The following NBL1 variants were observed in gnomAD, a reference collection of about 807,000 sequenced individuals.
The protein encoded by NBL1 is neuroblastoma suppressor of tumorigenicity 1.
Under a neutral mutation model 16.0 loss-of-function variants are expected in NBL1, and 9 were observed. That is an observed-to-expected ratio of 0.56 (90% CI 0.34 to 0.98). NBL1 has a LOEUF of 0.98. Among genes scored for constraint, NBL1 ranks in the 50% least tolerant of loss-of-function variants. NBL1 has a pLI of 0.02. For missense variants in NBL1, 196 were observed against 243.1 expected (o/e 0.81, Z 1.29); for synonymous variants, 86 against 100.7 (o/e 0.85, Z 0.87).
In NBL1 at chr1:19,657,048, C is replaced by T. The variant is rs575414973; in HGVS notation, c.465C>T (p.His155=). The T allele has an allele frequency of 5.9e-5, 92 of 1,548,880 alleles. No individual in the cohort carries two copies. The African/African-American group carries it at 1.1e-3, about 19-fold the overall frequency. ...QPGTHPHPHP[H]PHPGGQTPEP... ...GCACCCACCCTCACCCCCATCCCCA[C>T]CCCCATCCTGGCGGGCAGACCCCTG... is the stretch of plus-strand genomic sequence containing the variant. The change falls in exon 4 of 4, where the codon CAC becomes CAT. Residue 155 remains histidine (H), a synonymous_variant. Coordinates refer to ENST00000375136, the MANE Select transcript of NBL1 (RefSeq NM_005380.8).
Position 19,656,936 on chromosome 1 carries a change from G to A in NBL1, c.353G>A (p.Cys118Tyr), listed in dbSNP as rs1272002423. The change falls in exon 4 of 4, where the codon TGT becomes TAT. Residue 118 changes from cysteine (C) to tyrosine (Y), a missense_variant. Physicochemically the swap from Cys to Tyr is radical, Grantham distance 194. Transcript: ENST00000375136. The stretch of plus-strand genomic sequence containing the variant: ...AAGCTGGTGGAGAAGATCCTGCACT[G>A]TAGCTGCCAGGCCTGCGGCAAGGAG... ...VDKLVEKILH[C>Y]SCQACGKEPS... is the part of the protein sequence containing the mutation. 6.2e-7 allele frequency: 1 copy of A among 1,613,008 alleles called. No individual in the cohort carries two copies. Among genetic ancestry groups the A allele is most frequent in the Non-Finnish European group, 8.5e-7 (1 of 1,179,730 alleles).
upstream of NBL1, chr1:19,643,422 C>T (rs1295365016): frequency 3.1e-6 from 5 of 1,612,780 alleles, no homozygotes; most frequent in Non-Finnish European, 1.7e-6. The surrounding 1 kb of genome is among the most constrained non-coding windows in gnomAD (Gnocchi z 4.7). Context: ...AAGCAAAATC[C>T]CCAAGTCCTA....
upstream of NBL1, chr1:19,643,284 C>T (rs754978370): frequency 1.2e-6 from 2 of 1,609,136 alleles, no homozygotes; most frequent in South Asian, 1.1e-5. This position sits in a 1 kb window ranked among gnomAD's most constrained non-coding sequence, Gnocchi z 4.7. Flanking sequence ...CCAGGGAGTT[C>T]CCAGCAGGCC....
At chr1:19,647,882 T>TGTGTGTGTGTGCGC (rs1273943458) in intron 1 of NBL1, among the ~76,000 whole-genome samples, 8 of 137,082 alleles carry the variant, frequency 5.8e-5, no homozygotes, top group East Asian at 2.3e-4. Flanking sequence ...TGTGTGTGTG[T>TGTGTGTGTGTGCGC]GCGTGTGCGC....
Position 19,644,432 on chromosome 1 carries a change from C to T in NBL1, c.-34C>T, listed in dbSNP as rs2094965261. The T allele has an allele frequency of 2.0e-6, 2 of 978,816 alleles. No individual in the cohort carries two copies. The highest frequency in any genetic ancestry group is 2.4e-6 in the Non-Finnish European group (2 of 827,484). The allele number at this position is 978,816 out of a possible 1,614,324, so 60.6% of individuals were successfully genotyped here. A position where few individuals can be genotyped will look rare whatever the true frequency, so the allele number is the denominator to read the frequency against. ...ACCCCCGCACCCAGCTCCGCAGGAC[C>T]GGCGGGCGCGCGCGGTAAGTCCCGC... is the stretch of plus-strand genomic sequence containing the variant. On this transcript the variant is annotated 5_prime_UTR_variant, in exon 1 of 4. Transcript: ENST00000375136. The surrounding 1 kb of genome is among the most constrained non-coding windows in gnomAD (Gnocchi z 4.6).
chr1:19,654,974 C>T, intron 1 of NBL1, 38 bp from the exon 2 acceptor site: 7 of 1,524,842 alleles, frequency 4.6e-6, no homozygotes, highest in South Asian at 1.3e-5. Flanking sequence ...CCCCCTGCAC[C>T]TTGCTGTGCC....
chr1:19,644,223 C>G (rs1173668744), upstream of NBL1: 3 of 976,930 alleles, frequency 3.1e-6, no homozygotes, highest in Non-Finnish European at 3.6e-6. The surrounding 1 kb of genome is among the most constrained non-coding windows in gnomAD (Gnocchi z 4.6). Context: ...GCGCGGCCCT[C>G]CCCGCTGCCC....
chr1:19,655,599 C>T (rs184840429), intron 3 of NBL1, among the ~76,000 whole-genome samples, 164 bp downstream of exon 3: 28 of 152,316 alleles, frequency 1.8e-4, no homozygotes, highest in African/African-American at 5.3e-4. Flanking sequence ...ATGTGGGCCT[C>T]CCCACAGGAT....
intron 1 of NBL1, among the ~76,000 whole-genome samples, chr1:19,652,293 G>A (rs1035761550): frequency 6.6e-6 from 1 of 152,240 alleles, no homozygotes; most frequent in Non-Finnish European, 1.5e-5. Flanking sequence ...GAGTGAGGAA[G>A]CCGCCTGCAT....
intron 1 of NBL1, among the ~76,000 whole-genome samples, chr1:19,650,952 G>T (rs1286661642): frequency 6.6e-6 from 1 of 152,128 alleles, no homozygotes; most frequent in Non-Finnish European, 1.5e-5. Context: ...TGGCATCCTC[G>T]CTGCCTCCTG....
intron 1 of NBL1, among the ~76,000 whole-genome samples, chr1:19,648,660 G>A (rs775335041): frequency 5.3e-4 from 80 of 152,268 alleles, no homozygotes; most frequent in Non-Finnish European, 1.1e-3. Context: ...TGCCAAAATG[G>A]GTCTGCTGTT....
At chr1:19,647,918 T>G (rs939113493) in intron 1 of NBL1, among the ~76,000 whole-genome samples, 1 of 151,940 alleles carries the variant, frequency 6.6e-6, no homozygotes, top group Non-Finnish European at 1.5e-5. Flanking sequence ...CTTGTGCGGA[T>G]GTACATTTTC....
chr1:19,644,269 A>C (rs2094963812), upstream of NBL1: 9 of 977,786 alleles, frequency 9.2e-6, no homozygotes, highest in Non-Finnish European at 1.1e-5. The surrounding 1 kb of genome is among the most constrained non-coding windows in gnomAD (Gnocchi z 4.6). Context: ...AGCCACCCTG[A>C]CGTCGGAGCC....
chr1:19,655,587 A>C, intron 3 of NBL1, 152 bp downstream of exon 3: 1 of 881,868 alleles, frequency 1.1e-6, no homozygotes, highest in South Asian at 1.7e-5. Context: ...CTGGGGATAC[A>C]AATGTGGGCC....
chr1:19,644,097 C>G (rs2094962456), upstream of NBL1: 14 of 974,384 alleles, frequency 1.4e-5, no homozygotes, highest in South Asian at 5.7e-4. The surrounding 1 kb of genome is among the most constrained non-coding windows in gnomAD (Gnocchi z 4.6). Flanking sequence ...TCGGAGCGCG[C>G]CGAAGCTCAG....
At chr1:19,647,874 TGTGTGTGTGC>T (rs2094992475) in intron 1 of NBL1, among the ~76,000 whole-genome samples, 1 of 147,172 alleles carries the variant, frequency 6.8e-6, no homozygotes, top group East Asian at 1.9e-4. Context: ...TGCGTGTGTG[TGTGTGTGTGC>T]GTGTGCGCGC....
At chr1:19,643,253 G>C (rs905211645), upstream of NBL1, 28 of 1,536,684 alleles carry the variant, frequency 1.8e-5, no homozygotes, top group Non-Finnish European at 2.4e-5. The surrounding 1 kb of genome is among the most constrained non-coding windows in gnomAD (Gnocchi z 4.7). Context: ...GGTGTGGAGG[G>C]TGCGAGTAGG....
chr1:19,648,236 T>C lies in NBL1; in HGVS notation c.-20+3790T>C, dbSNP rs142601488. On this transcript the variant is annotated intron_variant, in intron 1 of 3. Transcript: ENST00000375136. The stretch of plus-strand genomic sequence containing the variant: ...TGAAATCTAGGCCACTCCTGTGTAT[T>C]TAGGGTGCATTTAGGATGCCTTTCC... 1.6e-4 allele frequency among the ~76,000 whole-genome samples: 25 copies of C among 152,222 alleles called. No individual in the cohort carries two copies. In the East Asian group the frequency reaches 4.4e-3, roughly 27 times the overall value.
rs61114955 is a variant in NBL1 at position 19,653,835 on chromosome 1, C to G, written c.-19-1177C>G. ...TTACCTGGGGCGAGTCTCCTGAAAG[C>G]GGAATCCTTTGACACAGACTGCCCT... is the stretch of plus-strand genomic sequence containing the variant. On this transcript the variant is annotated intron_variant, in intron 1 of 3. Coordinates refer to ENST00000375136, the MANE Select transcript of NBL1 (RefSeq NM_005380.8). Among the ~76,000 whole-genome samples, 427 of 152,356 alleles carry G rather than the reference C, an allele frequency of 2.8e-3. 9 individuals are homozygous for G. The East Asian group carries it at 0.049, about 18-fold the overall frequency.
Sources: gnomAD v4.1 joint callset for allele counts (sites outside exome capture counted in the v4.1 genomes callset) on GRCh38, gnomAD v4.1.1 for gene constraint, Gnocchi (gnomAD v3.1) non-coding constraint, MANE v1.5 for transcripts, NCBI Gene and HGNC (gene_info 2026-07-23, HGNC 2026-07-21) for gene names.